The following SCG3 variants were observed in gnomAD, a reference collection of about 807,000 sequenced individuals.
SCG3 encodes the protein secretogranin-3.
A neutral mutation model predicts 56.2 loss-of-function variants in SCG3; 38 were observed. The observed-to-expected ratio is 0.68, with a 90% confidence interval of 0.52 to 0.89. The LOEUF (loss-of-function observed/expected upper bound fraction) is 0.89, where lower values mean the gene tolerates loss of function less well. SCG3 is among the 40% of genes least tolerant of loss of function. The pLI is 0.00. For missense variants in SCG3, 524 were observed against 540.7 expected, an observed-to-expected ratio of 0.97 and a Z score of 0.31; for synonymous variants, 176 against 184.2, an observed-to-expected ratio of 0.96 and a Z score of 0.36.
At chr15:51,682,668 A>T (rs1430609293) in intron 2 of SCG3, 99 bp downstream of exon 2, 1 of 736,364 alleles carries the variant, frequency 1.4e-6, no homozygotes, top group Non-Finnish European at 2.2e-6. Flanking sequence ...TTGAATTTAC[A>T]AACATCAGGA....
chr15:51,719,592 T>C lies in SCG3; in HGVS notation c.*66T>C. ...AACATAATATAGCTTAAAACACTTC[T>C]AATTCTGTGATTAAAATTTTTTGAC... is the stretch of plus-strand genomic sequence containing the variant. On this transcript the variant is annotated 3_prime_UTR_variant, in exon 12 of 12. Transcript: ENST00000220478. 1 of 1,150,192 alleles carries C rather than the reference T, an allele frequency of 8.7e-7. No homozygotes were observed. Among genetic ancestry groups the C allele is most frequent in the Admixed American group, 2.1e-5 (1 of 48,044 alleles). The allele number at this position is 1,150,192 out of a possible 1,614,324, so 71.2% of individuals were successfully genotyped here.
intron 6 of SCG3, 123 bp downstream of exon 6, chr15:51,689,491 C>T: frequency 1.6e-6 from 2 of 1,227,222 alleles, no homozygotes; most frequent in East Asian, 2.6e-5. Context: ...AGGTATGTGG[C>T]ATTTTTAGCC....
intron 10 of SCG3, among the ~76,000 whole-genome samples, chr15:51,708,891 A>C (rs1474981195): frequency 6.6e-6 from 1 of 152,056 alleles, no homozygotes; most frequent in African/African-American, 2.4e-5. Context: ...CTTGTCAGCC[A>C]GTTTACCAAC....
intron 7 of SCG3, among the ~76,000 whole-genome samples, chr15:51,694,161 T>C (rs1228043214): frequency 6.6e-6 from 1 of 152,230 alleles, no homozygotes; most frequent in African/African-American, 2.4e-5. Context: ...TAAATATTTA[T>C]ACTGAGTTCT....
chr15:51,681,964 G>A, intron 1 of SCG3, 127 bp downstream of exon 1: 2 of 685,968 alleles, frequency 2.9e-6, no homozygotes, highest in South Asian at 1.8e-5. Flanking sequence ...CATGAATACG[G>A]ACAGAGAAAT....
intron 1 of SCG3, 24 bp downstream of exon 1, chr15:51,681,861 C>T: frequency 1.9e-6 from 3 of 1,593,186 alleles, no homozygotes; most frequent in South Asian, 2.2e-5. Context: ...TTTCTTCTTC[C>T]TACCTTCCTT....
At position 51,681,565 on chromosome 15, in the gene SCG3, C is replaced by T. The variant is rs1449692386; in HGVS notation, c.-191C>T. On this transcript the variant is annotated 5_prime_UTR_variant, in exon 1 of 12. Transcript: ENST00000220478. ...CCTCTACCTGGAGACTTGACTCCCG[C>T]GCGCCCCAACCCTGCTTATCCCTTG... The T allele has an allele frequency of 1.2e-5, 7 of 585,486 alleles. No individual in the cohort carries two copies. The highest frequency in any genetic ancestry group is 2.1e-5 in the Non-Finnish European group (7 of 326,512). 36.3% of individuals were successfully genotyped at this position (585,486 alleles called of 1,614,324 possible).
At chr15:51,696,362 C>T (rs1686373948) in intron 8 of SCG3, among the ~76,000 whole-genome samples, 1 of 152,068 alleles carries the variant, frequency 6.6e-6, no homozygotes, top group Non-Finnish European at 1.5e-5. Context: ...CCAGCTTGGC[C>T]AACATGGTGA....
chr15:51,684,174 C>T (rs776073963), intron 4 of SCG3, among the ~76,000 whole-genome samples: 2 of 152,174 alleles, frequency 1.3e-5, no homozygotes, highest in Non-Finnish European at 2.9e-5. Context: ...TCTGCCAAAA[C>T]TTACTAATTT....
At position 51,719,491 on chromosome 15, in the gene SCG3, G is replaced by A. The variant is rs2055481861; in HGVS notation, c.1372G>A (p.Ala458Thr). 1 of 1,614,074 alleles carries A rather than the reference G, an allele frequency of 6.2e-7. No individual in the cohort carries two copies. Among genetic ancestry groups the A allele is most frequent in the East Asian group, 2.2e-5 (1 of 44,878 alleles). Reference protein sequence around the residue: ...VEKGILDKEEAEAIKRIYSSL With the variant: ...VEKGILDKEETEAIKRIYSSL Reference sequence around the variant, plus strand: ...GAAAGGCATCCTTGACAAGGAAGAAGCCGAGGCCATCAAGCGCATTTATAG... The same window carrying A: ...GAAAGGCATCCTTGACAAGGAAGAAACCGAGGCCATCAAGCGCATTTATAG... Residue 458 changes from alanine to threonine, a missense_variant, in exon 12 of 12, where the codon GCC (alanine) becomes ACC (threonine). Coordinates refer to ENST00000220478, the MANE Select transcript of SCG3 (RefSeq NM_013243.4).
chr15:51,707,761 A>C (rs2055385349), intron 10 of SCG3, among the ~76,000 whole-genome samples: 1 of 152,210 alleles, frequency 6.6e-6, no homozygotes, highest in African/African-American at 2.4e-5. Flanking sequence ...AGAATCTTGA[A>C]TCTCACAGCT....
chr15:51,711,469 C>T (rs540393786), intron 10 of SCG3, among the ~76,000 whole-genome samples: 3 of 152,296 alleles, frequency 2.0e-5, no homozygotes, highest in African/African-American at 7.2e-5. Flanking sequence ...GAGTGAATGA[C>T]AAATCATTAT....
intron 10 of SCG3, among the ~76,000 whole-genome samples, chr15:51,709,465 G>C (rs1376851106): frequency 6.6e-6 from 1 of 151,628 alleles, no homozygotes; most frequent in Non-Finnish European, 1.5e-5. Flanking sequence ...TGGGAATAAT[G>C]ATATTTAATT....
chr15:51,704,298 AT>A, intron 10 of SCG3, among the ~76,000 whole-genome samples: 1 of 129,874 alleles, frequency 7.7e-6, no homozygotes, highest in East Asian at 2.3e-4. Context: ...CTTTTTTGAA[AT>A]TGTGGTAAAA....
intron 10 of SCG3, among the ~76,000 whole-genome samples, chr15:51,704,271 A>ATATATATATATATATC (rs1567220907): frequency 7.5e-6 from 1 of 133,556 alleles, no homozygotes; most frequent in Non-Finnish European, 1.5e-5. Flanking sequence ...ATATATATAT[A>ATATATATATATATATC]TATATATAAA....
chr15:51,682,569 G>A lies in SCG3; in HGVS notation c.135G>A (p.Gln45=). 7.1e-7 allele frequency: 1 copy of A among 1,416,492 alleles called. No homozygotes were observed. Among genetic ancestry groups the A allele is most frequent in the Non-Finnish European group, 9.5e-7 (1 of 1,053,496 alleles). The allele number at this position is 1,416,492 out of a possible 1,614,324, so 87.7% of individuals were successfully genotyped here. The stretch of plus-strand genomic sequence containing the variant: ...GTGCAGAAAGACCTTTGAATGAACA[G>A]GTAGGTCAAAAGTAACATTATGAAT... ...ELSAERPLNE[Q]IAEAEEDKIK... Residue 45 remains glutamine (Q), a splice_region_variant and synonymous_variant, in exon 2 of 12, where the codon CAG becomes CAA. Transcript: ENST00000220478.
rs553282366 is a variant in SCG3 at position 51,717,762 on chromosome 15, G to A, written c.1289-1646G>A. Among the ~76,000 whole-genome samples the A allele has an allele frequency of 6.6e-5, 10 of 152,276 alleles. No individual in the cohort carries two copies. The South Asian group carries it at 1.5e-3, about 22-fold the overall frequency. The stretch of plus-strand genomic sequence containing the variant: ...TGTTCACCTTCCTGTCAGCCTCCAC[G>A]TGTTCACCTATCTGGAAGCTCCTGA... On this transcript the variant is annotated intron_variant, in intron 11 of 11. Coordinates refer to ENST00000220478, the MANE Select transcript of SCG3 (RefSeq NM_013243.4).
At chr15:51,684,514 C>T (rs943565399) in intron 4 of SCG3, among the ~76,000 whole-genome samples, 3 of 152,176 alleles carry the variant, frequency 2.0e-5, no homozygotes, top group Admixed American at 2.0e-4. Context: ...GAGACAAGGG[C>T]TGCAGTGAGC....
At position 51,696,010 on chromosome 15, in the gene SCG3, T is replaced by C; in HGVS notation, c.985+19T>C. Reference sequence around the variant, plus strand: ...TACCTTGGTGAGATTCTATGTGTTTTGTTTCTACTGTGGTGGTTTTCATTG... The same window carrying C: ...TACCTTGGTGAGATTCTATGTGTTTCGTTTCTACTGTGGTGGTTTTCATTG... On this transcript the variant is annotated intron_variant, in intron 8 of 11. Transcript: ENST00000220478. 1 of 1,362,436 alleles carries C rather than the reference T, an allele frequency of 7.3e-7. No individual in the cohort carries two copies. Among genetic ancestry groups the C allele is most frequent in the Non-Finnish European group, 1.1e-6 (1 of 952,296 alleles). 84.4% of individuals were successfully genotyped at this position (1,362,436 alleles called of 1,614,324 possible). A position where few individuals can be genotyped will look rare whatever the true frequency, so the allele number is the denominator to read the frequency against.
Sources: allele counts gnomAD v4.1 joint callset (sites outside exome capture counted in the v4.1 genomes callset), GRCh38; gene constraint gnomAD v4.1.1; transcripts MANE v1.5; gene names NCBI Gene and HGNC (gene_info 2026-07-23, HGNC 2026-07-21).